TCF7L2: variants seen among roughly 807,000 people sequenced by gnomAD.
TCF7L2 encodes transcription factor 7 like 2, also known as transcription factor 7-like 2.
In TCF7L2, 23 loss-of-function variants were observed where a neutral mutation model predicts 77.9. That is an observed-to-expected ratio of 0.30 (90% CI 0.21 to 0.42). The LOEUF is 0.42. Ranked by LOEUF, TCF7L2 falls within the 10% of genes least tolerant of loss-of-function variation. The probability of loss-of-function intolerance (pLI) is 1.00; values close to 1 mark genes in which losing one functional copy is unlikely to be tolerated. For synonymous variants in TCF7L2, 413 were observed against 340.2 expected (o/e 1.21, Z -2.36); for missense variants, 654 against 793.1 (o/e 0.82, Z 2.11).
intron 5 of TCF7L2, among the ~76,000 whole-genome samples, chr10:113,096,207 G>A (rs987365116): frequency 6.6e-6 from 1 of 152,138 alleles, no homozygotes; most frequent in East Asian, 1.9e-4. Context: ...CTGCCTATCA[G>A]TCAGCGTCTC....
At position 113,166,243 on chromosome 10, in the gene TCF7L2, AAT is replaced by A. The variant is rs369882395; in HGVS notation, c.*283_*284del. 206 of 312,028 alleles carry A rather than the reference AAT, an allele frequency of 6.6e-4. No individual in the cohort carries two copies. Among genetic ancestry groups the A allele is most frequent in the Non-Finnish European group, 8.9e-4 (153 of 172,678 alleles). 19.3% of individuals were successfully genotyped at this position (312,028 alleles called of 1,614,324 possible). ...TTTAAAGTCTTTGTAGCGTTTAAAA[AAT>A]ATATATATATACATAACTGTTATGT... On this transcript the variant is annotated 3_prime_UTR_variant, in exon 14 of 14. Transcript: ENST00000627217.
At chr10:113,035,733 G>C (rs750707763) in intron 4 of TCF7L2, among the ~76,000 whole-genome samples, 1 of 152,198 alleles carries the variant, frequency 6.6e-6, no homozygotes, top group South Asian at 2.1e-4. Context: ...CACATCAAGA[G>C]AGGAATAATA....
intron 5 of TCF7L2, chr10:113,126,722 C>T: frequency 1.0e-6 from 1 of 985,954 alleles, no homozygotes; most frequent in Non-Finnish European, 1.2e-6. Flanking sequence ...GTGTGCTGCT[C>T]CCCTGTGCCG....
chr10:113,078,423 C>T (rs2058958317), intron 5 of TCF7L2, among the ~76,000 whole-genome samples: 1 of 152,106 alleles, frequency 6.6e-6, no homozygotes, highest in African/African-American at 2.4e-5. Flanking sequence ...ATTTTTTGAG[C>T]AGGATCTCAC....
At chr10:113,145,945 C>T (rs1439723749) in intron 7 of TCF7L2, 66 bp from the exon 8 acceptor site, 1 of 1,350,800 alleles carries the variant, frequency 7.4e-7, no homozygotes, top group African/African-American at 1.4e-5. Context: ...TTTCCCTTTT[C>T]TTCTTTTTCT....
At position 113,165,755 on chromosome 10, in the gene TCF7L2, T is replaced by G. The variant is rs756799314; in HGVS notation, c.1592T>G (p.Met531Arg). The G allele has an allele frequency of 1.2e-6, 2 of 1,606,062 alleles. No individual in the cohort carries two copies. Among genetic ancestry groups the G allele is most frequent in the Non-Finnish European group, 8.5e-7 (1 of 1,176,120 alleles). The stretch of plus-strand genomic sequence containing the variant: ...CCCGACCCCCTGGCCCACCTGTCCA[T>G]GATGCCTCCGCCACCCGCCCTCCTG... Residue 531 changes from methionine to arginine, a missense_variant, in exon 14 of 14, where the codon ATG (methionine) becomes AGG (arginine). Transcript: ENST00000627217.
At chr10:113,113,116 T>G (rs1334586811) in intron 5 of TCF7L2, among the ~76,000 whole-genome samples, 2 of 151,832 alleles carry the variant, frequency 1.3e-5, no homozygotes, top group Non-Finnish European at 2.9e-5. Flanking sequence ...GTGACAGGAG[T>G]TTTTGGGTTC....
chr10:113,088,918 A>C (rs574637721), intron 5 of TCF7L2, among the ~76,000 whole-genome samples: 1 of 152,138 alleles, frequency 6.6e-6, no homozygotes, highest in African/African-American at 2.4e-5. Context: ...AGTCCGGGCA[A>C]CATAGCAAGA....
chr10:113,099,477 C>T (rs986519483), intron 5 of TCF7L2, among the ~76,000 whole-genome samples: 1 of 152,326 alleles, frequency 6.6e-6, no homozygotes, highest in East Asian at 1.9e-4. Flanking sequence ...TGCATCCCCA[C>T]CCAGGCTCTG....
chr10:113,015,785 G>A (rs570319947), intron 4 of TCF7L2, among the ~76,000 whole-genome samples: 1 of 152,286 alleles, frequency 6.6e-6, no homozygotes, highest in Non-Finnish European at 1.5e-5. Context: ...CACTGTGCCT[G>A]TGCTCAATTG....
intron 12 of TCF7L2, chr10:113,160,565 C>T (rs2137457339): frequency 6.6e-7 from 1 of 1,506,096 alleles, no homozygotes; most frequent in Admixed American, 2.1e-5. Context: ...TCACATCCAA[C>T]TGAGCACGAC....
chr10:113,093,436 A>T (rs2060608268), intron 5 of TCF7L2, among the ~76,000 whole-genome samples: 1 of 152,180 alleles, frequency 6.6e-6, no homozygotes, highest in Admixed American at 6.5e-5. Context: ...AAGGTGTTTG[A>T]TCCTTTTCTT....
chr10:113,118,394 T>C (rs150550668), intron 5 of TCF7L2, among the ~76,000 whole-genome samples: 11 of 152,310 alleles, frequency 7.2e-5, no homozygotes, highest in Middle Eastern at 3.4e-3. Context: ...GTAAGACTTA[T>C]TTAGTTTTGT....
intron 5 of TCF7L2, among the ~76,000 whole-genome samples, chr10:113,103,301 G>GA (rs1164440378): frequency 2.0e-5 from 3 of 152,134 alleles, no homozygotes; most frequent in Non-Finnish European, 4.4e-5. Context: ...TCCTTGCAGA[G>GA]AAAAAATCTT....
At chr10:113,140,459 C>T (rs1004187942) in intron 5 of TCF7L2, among the ~76,000 whole-genome samples, 3 of 152,104 alleles carry the variant, frequency 2.0e-5, no homozygotes, top group East Asian at 1.9e-4. Flanking sequence ...TAGCCCAATT[C>T]GTCATCATCC....
At chr10:112,976,787 T>G (rs796621120) in intron 4 of TCF7L2, among the ~76,000 whole-genome samples, 2 of 152,302 alleles carry the variant, frequency 1.3e-5, no homozygotes, top group African/African-American at 4.8e-5. Context: ...GTCAACTTGG[T>G]GTTCTTTTCC....
intron 5 of TCF7L2, among the ~76,000 whole-genome samples, chr10:113,053,201 A>G (rs61872787): frequency 0.016 from 2,492 of 152,252 alleles, 25 homozygotes; most frequent in Middle Eastern, 0.031. Context: ...GTGAGTGGGT[A>G]GAGAGGACAT....
At chr10:113,066,807 A>T (rs2057322326) in intron 5 of TCF7L2, among the ~76,000 whole-genome samples, 1 of 152,206 alleles carries the variant, frequency 6.6e-6, no homozygotes, top group South Asian at 2.1e-4. Context: ...CATTAAGGAG[A>T]GTTGCCGGTA....
Position 113,158,087 on chromosome 10 carries a change from G to T in TCF7L2, c.1318+18G>T. On this transcript the variant is annotated intron_variant, in intron 12 of 13. Transcript: ENST00000627217. ...GACCAATGGTAAGTGACAATCATCA[G>T]GTTAGAGGAAGGAGCTGTAGCCTGA... The T allele has an allele frequency of 1.9e-6, 3 of 1,589,826 alleles. No homozygotes were observed. The highest frequency in any genetic ancestry group is 2.6e-6 in the Non-Finnish European group (3 of 1,166,960).
Sources: allele counts gnomAD v4.1 joint callset (sites outside exome capture counted in the v4.1 genomes callset), GRCh38; gene constraint gnomAD v4.1.1; transcripts MANE v1.5; gene names NCBI Gene and HGNC (gene_info 2026-07-23, HGNC 2026-07-21).